The following TMEM232 variants were observed in gnomAD, a reference collection of about 807,000 sequenced individuals.
The protein encoded by TMEM232 is transmembrane protein 232.
In TMEM232, 80 loss-of-function variants were observed where a neutral mutation model predicts 78.8. The observed-to-expected ratio is 1.01, with a 90% CI of 0.85 to 1.22. TMEM232 has a LOEUF of 1.22. Ranked by LOEUF, TMEM232 falls within the 50% of genes most tolerant of loss-of-function variation. The probability of loss-of-function intolerance (pLI) is 0.00; values close to 1 mark genes in which losing one functional copy is unlikely to be tolerated. For synonymous variants in TMEM232, 297 were observed against 254.3 expected, an observed-to-expected ratio of 1.17 and a Z score of -1.60; for missense variants, 881 against 742.2, an observed-to-expected ratio of 1.19 and a Z score of -2.17.
At chr5:110,609,211 A>G (rs1472032662) in intron 8 of TMEM232, among the ~76,000 whole-genome samples, 1 of 152,018 alleles carries the variant, frequency 6.6e-6, no homozygotes, top group Non-Finnish European at 1.5e-5. Flanking sequence ...GAAAGCATTG[A>G]CAATGTCAAA....
chr5:110,535,581 A>G (rs1772228210), intron 11 of TMEM232, among the ~76,000 whole-genome samples: 1 of 152,182 alleles, frequency 6.6e-6, no homozygotes, highest in Admixed American at 6.5e-5. Context: ...ATTGTAGAAA[A>G]ATAAAATGTT....
rs1483069549 is a variant in TMEM232, at chr5:110,618,577, A to G, written c.769-15T>C. ...TCATATCCTCCCTGATTAAATTGCA[A>G]ATGTTTCAGGAATTAAAATATAAAA... On this transcript the variant is annotated splice_polypyrimidine_tract_variant and intron_variant, in intron 7 of 13. Coordinates refer to ENST00000455884, the MANE Select transcript of TMEM232 (RefSeq NM_001039763.4). The G allele has an allele frequency of 6.5e-7, 1 of 1,534,408 alleles. No individual in the cohort carries two copies. The highest frequency in any genetic ancestry group is 2.5e-5 in the East Asian group (1 of 40,692).
chr5:110,692,809 G>C (rs979074541), intron 1 of TMEM232, among the ~76,000 whole-genome samples: 1 of 152,190 alleles, frequency 6.6e-6, no homozygotes, highest in Non-Finnish European at 1.5e-5. Context: ...CAAGAAGCTT[G>C]AACTGGGTAG....
chr5:110,686,563 T>C (rs1793434262), intron 1 of TMEM232, among the ~76,000 whole-genome samples: 2 of 151,800 alleles, frequency 1.3e-5, no homozygotes, highest in African/African-American at 2.4e-5. Context: ...ACTGTGCGAG[T>C]TGATAAAAAA....
intron 10 of TMEM232, among the ~76,000 whole-genome samples, chr5:110,587,681 ATATATATATATG>A (rs1778989752): frequency 9.5e-6 from 1 of 105,640 alleles, no homozygotes; most frequent in African/African-American, 4.7e-5. Context: ...ATATATATAT[ATATATATATATG>A]TGTGTGTGTG....
intron 12 of TMEM232, among the ~76,000 whole-genome samples, chr5:110,460,343 A>ATAAAG (rs936461582): frequency 1.3e-5 from 2 of 151,666 alleles, no homozygotes; most frequent in African/African-American, 4.8e-5. Flanking sequence ...GAAATGAATG[A>ATAAAG]TAAAGTAAAT....
At chr5:110,442,603 T>C (rs1287720558) in intron 12 of TMEM232, among the ~76,000 whole-genome samples, 1 of 152,154 alleles carries the variant, frequency 6.6e-6, no homozygotes, top group Non-Finnish European at 1.5e-5. Context: ...CATACCTCTG[T>C]TTCTTCAGAA....
chr5:110,634,357 T>G (rs73226248), intron 5 of TMEM232, among the ~76,000 whole-genome samples: 331 of 152,290 alleles, frequency 2.2e-3, no homozygotes, highest in African/African-American at 7.3e-3. Context: ...ATTAAAGATA[T>G]TCACAGAATA....
intron 12 of TMEM232, among the ~76,000 whole-genome samples, chr5:110,472,311 A>G (rs980658933): frequency 2.6e-5 from 4 of 152,046 alleles, no homozygotes; most frequent in African/African-American, 9.6e-5. Context: ...TACAAAAAAT[A>G]AGATACCTTG....
rs190012376 is a variant in TMEM232 at position 110,422,647 on chromosome 5, A to T, written c.1798-1891T>A. Among the ~76,000 whole-genome samples the T allele has an allele frequency of 2.0e-3, 300 of 152,170 alleles. 1 individual carries two copies. The highest frequency in any genetic ancestry group is 6.9e-3 in the African/African-American group (285 of 41,516). ...TGTATAAAAGCATCAGTACATATAAAAGCAGCCAAGAAGGGGTATCATATC... is the reference window on the plus strand; with the variant it reads ...TGTATAAAAGCATCAGTACATATAATAGCAGCCAAGAAGGGGTATCATATC... On this transcript the variant is annotated intron_variant, in intron 13 of 13. Transcript: ENST00000455884.
chr5:110,401,491 C>T (rs1454954746), intron 2 of TMEM232, among the ~76,000 whole-genome samples: 1 of 152,074 alleles, frequency 6.6e-6, no homozygotes, highest in Non-Finnish European at 1.5e-5. Context: ...CCTTCTCTAA[C>T]TTATCTTCCA....
intron 1 of TMEM232, among the ~76,000 whole-genome samples, chr5:110,681,301 T>C (rs1232949261): frequency 6.6e-6 from 1 of 152,184 alleles, no homozygotes; most frequent in African/African-American, 2.4e-5. Flanking sequence ...CAGCCACATC[T>C]GTATCTTCTA....
chr5:110,654,234 G>C (rs139065249), intron 2 of TMEM232, among the ~76,000 whole-genome samples: 1,785 of 152,168 alleles, frequency 0.012, 45 homozygotes, highest in African/African-American at 0.04. Flanking sequence ...ATGCCAGCTG[G>C]GCCAATTCAG....
intron 1 of TMEM232, among the ~76,000 whole-genome samples, chr5:110,722,524 C>A (rs1797748538): frequency 6.6e-6 from 1 of 152,156 alleles, no homozygotes. Flanking sequence ...GGCCTCAGTT[C>A]CTCTTCATGT....
chr5:110,469,007 C>T (rs1387859782), intron 12 of TMEM232, among the ~76,000 whole-genome samples: 1 of 152,132 alleles, frequency 6.6e-6, no homozygotes, highest in East Asian at 1.9e-4. Context: ...AGGAACTTCT[C>T]TCTGTGGGGA....
Position 110,651,324 on chromosome 5 carries a change from C to A in TMEM232, c.126-8953G>T, listed in dbSNP as rs541398200. The stretch of plus-strand genomic sequence containing the variant: ...AAGGTGAGACTTTGCACAAGGCAGT[C>A]AGGGAACATCATGAGGGAGAGACAT... On this transcript the variant is annotated intron_variant, in intron 2 of 13. Coordinates refer to ENST00000455884, the MANE Select transcript of TMEM232 (RefSeq NM_001039763.4). 5.3e-5 allele frequency among the ~76,000 whole-genome samples: 8 copies of A among 151,818 alleles called. 1 individual carries two copies. In the South Asian group the frequency reaches 1.7e-3, roughly 32 times the overall value.
At chr5:110,517,196 G>C (rs2149488852) in intron 12 of TMEM232, among the ~76,000 whole-genome samples, 1 of 152,264 alleles carries the variant, frequency 6.6e-6, no homozygotes, top group South Asian at 2.1e-4. Context: ...TTATGTCTTT[G>C]TATTTAGACC....
rs111504099 is a variant in TMEM232 at position 110,697,740 on chromosome 5, G to A, written c.-13+28887C>T. Among the ~76,000 whole-genome samples the A allele has an allele frequency of 8.9e-3, 1,348 of 152,146 alleles. 9 individuals carry two copies. The highest frequency in any genetic ancestry group is 0.03 in the African/African-American group (1,255 of 41,492). On this transcript the variant is annotated intron_variant, in intron 1 of 13. Coordinates refer to ENST00000455884, the MANE Select transcript of TMEM232 (RefSeq NM_001039763.4). Reference sequence around the variant, plus strand: ...CATCAGAGAAATGCAAATTCAAACCGCAATGAGATACCATCTCACACCAGT... The same window carrying A: ...CATCAGAGAAATGCAAATTCAAACCACAATGAGATACCATCTCACACCAGT...
chr5:110,644,617 G>C (rs1191364736), intron 2 of TMEM232, among the ~76,000 whole-genome samples: 1 of 151,598 alleles, frequency 6.6e-6, no homozygotes, highest in Non-Finnish European at 1.5e-5. Context: ...AGCAAAAGCA[G>C]TAATAACAGA....
Sources: allele counts gnomAD v4.1 joint callset (sites outside exome capture counted in the v4.1 genomes callset), GRCh38; gene constraint gnomAD v4.1.1; transcripts MANE v1.5; gene names NCBI Gene and HGNC (gene_info 2026-07-23, HGNC 2026-07-21).